Variants in GPR158 observed in about 807,000 individuals in gnomAD.
The protein encoded by GPR158 is G protein-coupled receptor 158.
Under a neutral mutation model 78.2 loss-of-function variants are expected in GPR158, and 30 were observed. That is an observed-to-expected ratio of 0.38 (90% CI 0.29 to 0.52). The LOEUF (loss-of-function observed/expected upper bound fraction) is 0.52, where lower values mean the gene tolerates loss of function less well. Ranked by LOEUF, GPR158 falls within the 20% of genes least tolerant of loss-of-function variation. GPR158 has a pLI of 0.83. For missense variants in GPR158, 1,463 were observed against 1,523.5 expected, an observed-to-expected ratio of 0.96 and a Z score of 0.66; for synonymous variants, 581 against 591.1, an observed-to-expected ratio of 0.98 and a Z score of 0.25.
intron 2 of GPR158, among the ~76,000 whole-genome samples, chr10:25,274,307 C>T (rs1331207803): frequency 6.6e-6 from 1 of 152,010 alleles, no homozygotes; most frequent in Non-Finnish European, 1.5e-5. Flanking sequence ...TTATCACATC[C>T]TATATAACAC....
At chr10:25,326,500 C>T (rs542877489) in intron 2 of GPR158, among the ~76,000 whole-genome samples, 2 of 152,110 alleles carry the variant, frequency 1.3e-5, no homozygotes, top group African/African-American at 2.4e-5. Context: ...TCTCTTTACT[C>T]GATTGGTAGT....
Position 25,489,420 on chromosome 10 carries a change from A to G in GPR158, c.1404+22701A>G, listed in dbSNP as rs12220484. On this transcript the variant is annotated intron_variant, in intron 5 of 10. Transcript: ENST00000376351. ...AGTGATGAGGTTTCATATTGTATGA[A>G]TGGCTGATGTGAATTTGAAAAGTGT... 1.7e-4 allele frequency among the ~76,000 whole-genome samples: 26 copies of G among 152,260 alleles called. No homozygotes were observed. In the East Asian group the frequency reaches 3.7e-3, roughly 21 times the overall value.
chr10:25,273,800 C>T (rs1455139953), intron 2 of GPR158, among the ~76,000 whole-genome samples: 1 of 152,090 alleles, frequency 6.6e-6, no homozygotes, highest in Non-Finnish European at 1.5e-5. Flanking sequence ...CCACCTCAGC[C>T]TCCTGAGTAG....
At chr10:25,302,560 G>C (rs1854614935) in intron 2 of GPR158, among the ~76,000 whole-genome samples, 1 of 151,968 alleles carries the variant, frequency 6.6e-6, no homozygotes, top group Admixed American at 6.6e-5. Context: ...TTTGGACAGG[G>C]GACAACACAC....
chr10:25,403,654 CA>C (rs1185489286), intron 3 of GPR158, among the ~76,000 whole-genome samples: 3 of 152,024 alleles, frequency 2.0e-5, no homozygotes, highest in African/African-American at 7.2e-5. Flanking sequence ...ATGGTTTCAT[CA>C]AACAGATTTG....
rs116462591 is a variant in GPR158 at position 25,385,468 on chromosome 10, T to C, written c.1009-10443T>C. On this transcript the variant is annotated intron_variant, in intron 2 of 10. Transcript: ENST00000376351. ...CTCTTCAAATTCCTGCTTTGAATTA[T>C]TTTGGATACATACCAAAAAGGGATT... Among the ~76,000 whole-genome samples, 1,215 of 152,256 alleles carry C rather than the reference T, an allele frequency of 8.0e-3. 19 individuals carry two copies. The highest frequency in any genetic ancestry group is 0.027 in the African/African-American group (1,125 of 41,556).
chr10:25,391,250 T>C (rs1834293847), intron 2 of GPR158, among the ~76,000 whole-genome samples: 1 of 152,128 alleles, frequency 6.6e-6, no homozygotes, highest in Non-Finnish European at 1.5e-5. Flanking sequence ...GCGTCCCCAC[T>C]GGGGCACTGC....
Position 25,572,708 on chromosome 10 carries a change from G to C in GPR158, c.1574G>C (p.Arg525Pro). The stretch of plus-strand genomic sequence containing the variant: ...CGAATTCCATATATGACTGGCGGAC[G>C]GGTCATGAGGATGCTGGCAGTAATA... ...AQRIPYMTGG[R>P]VMRMLAVILL... The change falls in exon 7 of 11, where the codon CGG becomes CCG. Residue 525 changes from arginine to proline, a missense_variant. By Grantham distance (103) the Arg-to-Pro change is moderately radical. Coordinates refer to ENST00000376351, the MANE Select transcript of GPR158 (RefSeq NM_020752.3). 1 of 1,614,006 alleles carries C rather than the reference G, an allele frequency of 6.2e-7. No individual in the cohort carries two copies. The highest frequency in any genetic ancestry group is 8.5e-7 in the Non-Finnish European group (1 of 1,179,904).
At chr10:25,559,952 G>T (rs1393764758) in intron 6 of GPR158, among the ~76,000 whole-genome samples, 1 of 152,208 alleles carries the variant, frequency 6.6e-6, no homozygotes, top group Admixed American at 6.5e-5. Context: ...TAAGTCAAGA[G>T]TTTTTAATAT....
intron 3 of GPR158, among the ~76,000 whole-genome samples, chr10:25,409,649 CTTAGAG>C (rs1834559804): frequency 1.3e-5 from 2 of 152,272 alleles, no homozygotes; most frequent in Admixed American, 6.5e-5. Context: ...ATCAAATATT[CTTAGAG>C]TTAATTTCTC....
At chr10:25,234,393 A>G (rs1034048835) in intron 2 of GPR158, among the ~76,000 whole-genome samples, 9 of 152,224 alleles carry the variant, frequency 5.9e-5, no homozygotes, top group African/African-American at 1.2e-4. Flanking sequence ...AACATTTCAC[A>G]TATTAGTTTG....
intron 2 of GPR158, among the ~76,000 whole-genome samples, chr10:25,243,607 G>GAAC (rs1190619463): frequency 6.6e-6 from 1 of 152,060 alleles, no homozygotes; most frequent in Non-Finnish European, 1.5e-5. Context: ...TATCCCAAAG[G>GAAC]AACATTCCCT....
chr10:25,204,712 C>G (rs1394643097), intron 1 of GPR158, among the ~76,000 whole-genome samples: 3 of 150,796 alleles, frequency 2.0e-5, no homozygotes, highest in Admixed American at 6.6e-5. Flanking sequence ...GTCTAAAATT[C>G]TCTTTTTTTG....
chr10:25,225,996 T>C (rs1853367582), intron 2 of GPR158, among the ~76,000 whole-genome samples: 1 of 152,194 alleles, frequency 6.6e-6, no homozygotes, highest in Non-Finnish European at 1.5e-5. Context: ...AGAGTACTTT[T>C]CTAGAGATCT....
chr10:25,517,833 C>G (rs902317119), intron 5 of GPR158, among the ~76,000 whole-genome samples: 1 of 149,100 alleles, frequency 6.7e-6, no homozygotes, highest in African/African-American at 2.5e-5. Context: ...CTAAAATTCT[C>G]TTTTTTGGTT....
At chr10:25,507,652 T>TA (rs1836030964) in intron 5 of GPR158, among the ~76,000 whole-genome samples, 1 of 152,320 alleles carries the variant, frequency 6.6e-6, no homozygotes, top group African/African-American at 2.4e-5. Context: ...GAAAATCTTT[T>TA]AAAAAATTTA....
chr10:25,468,705 T>G (rs1030433020), intron 5 of GPR158, among the ~76,000 whole-genome samples: 1 of 152,240 alleles, frequency 6.6e-6, no homozygotes, highest in Non-Finnish European at 1.5e-5. Context: ...GTAACATGTC[T>G]GAAACCAGAA....
intron 10 of GPR158, 135 bp downstream of exon 10, chr10:25,596,924 GTGTT>G (rs1837416488): frequency 1.4e-6 from 1 of 712,450 alleles, no homozygotes; most frequent in Non-Finnish European, 2.4e-6. Flanking sequence ...AAGAGGGAAT[GTGTT>G]TGGGTATGAA....
intron 3 of GPR158, among the ~76,000 whole-genome samples, chr10:25,410,935 TAA>T (rs1253719093): frequency 6.6e-6 from 1 of 152,210 alleles, no homozygotes; most frequent in Non-Finnish European, 1.5e-5. Flanking sequence ...TGAAAGAAAC[TAA>T]GACTTTCTGT....
Sources: allele counts gnomAD v4.1 joint callset (sites outside exome capture counted in the v4.1 genomes callset), GRCh38; gene constraint gnomAD v4.1.1; transcripts MANE v1.5; gene names NCBI Gene and HGNC (gene_info 2026-07-23, HGNC 2026-07-21).